The following ASIC2 variants were observed in gnomAD, a reference collection of about 807,000 sequenced individuals.
The protein encoded by ASIC2 is acid sensing ion channel subunit 2.
A neutral mutation model predicts 57.3 loss-of-function variants in ASIC2; 25 were observed. The observed-to-expected ratio is 0.44, with a 90% CI of 0.32 to 0.61. ASIC2 has a LOEUF of 0.61. ASIC2 is among the 20% of genes least tolerant of loss of function. The probability of loss-of-function intolerance (pLI) is 0.06; values close to 1 mark genes in which losing one functional copy is unlikely to be tolerated. For missense variants in ASIC2, 641 were observed against 738.1 expected (o/e 0.87, Z 1.52); for synonymous variants, 319 against 307.5 (o/e 1.04, Z -0.39).
At chr17:33,488,711 C>T (rs1331034858) in intron 1 of ASIC2, among the ~76,000 whole-genome samples, 1 of 152,164 alleles carries the variant, frequency 6.6e-6, no homozygotes, top group Admixed American at 6.5e-5. Context: ...CTAAAACTCA[C>T]GCCCTACCTC....
At chr17:33,597,491 T>C (rs1351992130) in intron 1 of ASIC2, among the ~76,000 whole-genome samples, 1 of 152,020 alleles carries the variant, frequency 6.6e-6, no homozygotes, top group Non-Finnish European at 1.5e-5. Context: ...CTCTGCAAAA[T>C]GGGCCTCTCA....
intron 1 of ASIC2, among the ~76,000 whole-genome samples, chr17:33,166,542 C>A (rs1194282101): frequency 6.6e-6 from 1 of 152,192 alleles, no homozygotes; most frequent in Non-Finnish European, 1.5e-5. Context: ...TCTGCCCCCT[C>A]CCTAACTGCA....
chr17:33,374,308 T>C (rs550831394), intron 1 of ASIC2, among the ~76,000 whole-genome samples: 8 of 152,246 alleles, frequency 5.3e-5, no homozygotes, highest in Non-Finnish European at 1.0e-4. Flanking sequence ...AATTGGCCTT[T>C]TGATTTTTAG....
intron 1 of ASIC2, among the ~76,000 whole-genome samples, chr17:33,619,127 T>C (rs1426161053): frequency 6.6e-6 from 1 of 152,192 alleles, no homozygotes; most frequent in Non-Finnish European, 1.5e-5. Context: ...GGTAGGAGGT[T>C]TGCTATACAC....
At chr17:33,335,363 T>C (rs1205578449) in intron 1 of ASIC2, among the ~76,000 whole-genome samples, 4 of 152,220 alleles carry the variant, frequency 2.6e-5, no homozygotes, top group African/African-American at 9.6e-5. Context: ...GTAATTTACA[T>C]ATATTCCATT....
At chr17:33,546,531 T>C (rs542726592) in intron 1 of ASIC2, among the ~76,000 whole-genome samples, 25 of 152,324 alleles carry the variant, frequency 1.6e-4, no homozygotes, top group Non-Finnish European at 2.9e-5. Context: ...TGTCACTTTC[T>C]ACCTATGCGA....
intron 3 of ASIC2, among the ~76,000 whole-genome samples, chr17:33,066,187 C>T (rs946978087): frequency 6.6e-6 from 1 of 152,186 alleles, no homozygotes; most frequent in Non-Finnish European, 1.5e-5. Flanking sequence ...TGCTCAGGGG[C>T]AGTGAAGAAC....
At chr17:33,911,709 C>T (rs909029394) in intron 1 of ASIC2, among the ~76,000 whole-genome samples, 4 of 152,154 alleles carry the variant, frequency 2.6e-5, no homozygotes, top group African/African-American at 9.7e-5. Flanking sequence ...TTTCTGTTTG[C>T]CCTTGGTGTG....
intron 1 of ASIC2, among the ~76,000 whole-genome samples, chr17:33,501,473 G>C (rs1299163389): frequency 6.6e-6 from 1 of 152,208 alleles, no homozygotes; most frequent in Non-Finnish European, 1.5e-5. Flanking sequence ...GGCACAGAAA[G>C]GTAAAACAAC....
intron 1 of ASIC2, among the ~76,000 whole-genome samples, chr17:33,499,549 C>A (rs1914040063): frequency 6.6e-6 from 1 of 152,206 alleles, no homozygotes; most frequent in African/African-American, 2.4e-5. Flanking sequence ...TCTGAAGGAA[C>A]TGCCAACACC....
intron 1 of ASIC2, among the ~76,000 whole-genome samples, chr17:33,206,303 A>C (rs1281105049): frequency 6.6e-6 from 1 of 151,924 alleles, no homozygotes; most frequent in African/African-American, 2.4e-5. Context: ...GATTGGAGGG[A>C]GGGAGGGAGA....
At chr17:33,058,746 CT>C (rs1441962016) in intron 3 of ASIC2, among the ~76,000 whole-genome samples, 1 of 152,088 alleles carries the variant, frequency 6.6e-6, no homozygotes, top group Non-Finnish European at 1.5e-5. Context: ...CTCATTACCC[CT>C]GATGCAGTCA....
chr17:33,556,329 C>T (rs562910065), intron 1 of ASIC2, among the ~76,000 whole-genome samples: 2 of 152,240 alleles, frequency 1.3e-5, no homozygotes, highest in Admixed American at 6.5e-5. Flanking sequence ...AGCAGAGATG[C>T]CTTGGAGTTT....
chr17:34,097,489 T>A (rs895469078), intron 1 of ASIC2, among the ~76,000 whole-genome samples: 4 of 152,184 alleles, frequency 2.6e-5, no homozygotes, highest in African/African-American at 9.6e-5. Context: ...AATAAGGTCA[T>A]TGCAGATCAG....
rs1316546909 is a variant in ASIC2 at position 33,705,072 on chromosome 17, T to A, written c.555+450906A>T. ...ACTGGAGACTTGCCTGGTGTTTGTA[T>A]TTGAAATGAAAGTCTTGGAACTAGT... On this transcript the variant is annotated intron_variant, in intron 1 of 9. Coordinates refer to the ASIC2 transcript ENST00000359872. 3.9e-5 allele frequency among the ~76,000 whole-genome samples: 6 copies of A among 152,322 alleles called. No homozygotes were observed. In the East Asian group the frequency reaches 9.7e-4, roughly 25 times the overall value.
At chr17:34,066,521 T>A (rs1435720416) in intron 1 of ASIC2, among the ~76,000 whole-genome samples, 1 of 152,174 alleles carries the variant, frequency 6.6e-6, no homozygotes, top group Non-Finnish European at 1.5e-5. Context: ...AGGTCATCAC[T>A]GAGTGGAGTG....
chr17:34,031,539 A>C (rs550071300), intron 1 of ASIC2, among the ~76,000 whole-genome samples: 1 of 152,354 alleles, frequency 6.6e-6, no homozygotes, highest in African/African-American at 2.4e-5. Context: ...TGAGAGAAGA[A>C]GGCTTCAGAT....
intron 1 of ASIC2, among the ~76,000 whole-genome samples, chr17:33,341,861 G>A (rs1015347220): frequency 7.9e-5 from 12 of 152,146 alleles, no homozygotes; most frequent in African/African-American, 2.9e-4. Flanking sequence ...TAAGTTGAAG[G>A]TTTGCCCTGG....
rs143805891 is a variant in ASIC2 at position 33,186,144 on chromosome 17, T to C, written c.709-74077A>G. Among the ~76,000 whole-genome samples the C allele has an allele frequency of 1.4e-4, 22 of 152,316 alleles. No individual in the cohort carries two copies. The East Asian group carries it at 4.2e-3, about 29-fold the overall frequency. On this transcript the variant is annotated intron_variant, in intron 1 of 9. Transcript: ENST00000225823. ...TTTTTTCTTTGAGACAGAGTCTCGC[T>C]TTGTTTCCCAGGCTGGAGTGCAATG...
Sources: allele counts gnomAD v4.1 joint callset (sites outside exome capture counted in the v4.1 genomes callset), GRCh38; gene constraint gnomAD v4.1.1; transcripts MANE v1.5; gene names NCBI Gene and HGNC (gene_info 2026-07-23, HGNC 2026-07-21).